Variants in ROBO2 observed in about 807,000 individuals in gnomAD.
The protein encoded by ROBO2 is roundabout homolog 2.
In ROBO2, 53 loss-of-function variants were observed where a neutral mutation model predicts 160.8. That is an observed-to-expected ratio of 0.33 (90% CI 0.26 to 0.41). The LOEUF (loss-of-function observed/expected upper bound fraction) is 0.41. Ranked by LOEUF, ROBO2 falls within the 10% of genes least tolerant of loss-of-function variation. ROBO2 has a pLI of 1.00. For missense variants in ROBO2, 1,577 were observed against 1,722.4 expected (o/e 0.92, Z 1.49); for synonymous variants, 664 against 611.7 (o/e 1.09, Z -1.26).
intron 2 of ROBO2, among the ~76,000 whole-genome samples, chr3:76,269,535 T>G (rs2107621134): frequency 6.6e-6 from 1 of 151,996 alleles, no homozygotes; most frequent in East Asian, 1.9e-4. Flanking sequence ...TTTGTCTCAG[T>G]TACACATACC....
intron 8 of ROBO2, among the ~76,000 whole-genome samples, chr3:77,552,943 A>C (rs1296265256): frequency 6.6e-6 from 1 of 151,986 alleles, no homozygotes; most frequent in Non-Finnish European, 1.5e-5. Flanking sequence ...GGAATTGTAG[A>C]GCCATTTGAA....
chr3:76,586,847 TGTA>T (rs1011882077), intron 2 of ROBO2, among the ~76,000 whole-genome samples: 1 of 152,034 alleles, frequency 6.6e-6, no homozygotes, highest in African/African-American at 2.4e-5. Context: ...GATCCCAGGT[TGTA>T]GTGGCTTTGC....
At chr3:76,948,909 T>TATG (rs1553703171) in intron 2 of ROBO2, among the ~76,000 whole-genome samples, 1 of 21,800 alleles carries the variant, frequency 4.6e-5, no homozygotes, top group African/African-American at 2.1e-4. Context: ...TATATATATA[T>TATG]TTTTTTTTTT....
At chr3:77,446,451 T>G (rs2080520044) in intron 2 of ROBO2, among the ~76,000 whole-genome samples, 1 of 152,142 alleles carries the variant, frequency 6.6e-6, no homozygotes, top group South Asian at 2.1e-4. Context: ...TATTAATTTC[T>G]CATTGCACCC....
chr3:76,242,990 G>C (rs914890730), intron 2 of ROBO2, among the ~76,000 whole-genome samples: 8 of 152,138 alleles, frequency 5.3e-5, no homozygotes, highest in African/African-American at 1.9e-4. Flanking sequence ...GTAAGTTGCT[G>C]CATGGACGAT....
At chr3:75,932,856 G>T (rs1199525703) in intron 1 of ROBO2, among the ~76,000 whole-genome samples, 1 of 152,064 alleles carries the variant, frequency 6.6e-6, no homozygotes, top group Non-Finnish European at 1.5e-5. Flanking sequence ...TCTAAAGCAC[G>T]ATGGCCTAGA....
chr3:77,125,699 A>G (rs2075254295), intron 2 of ROBO2, among the ~76,000 whole-genome samples: 1 of 152,206 alleles, frequency 6.6e-6, no homozygotes, highest in Admixed American at 6.5e-5. Context: ...TTGCTTCACC[A>G]TAATTATAAT....
intron 2 of ROBO2, among the ~76,000 whole-genome samples, chr3:77,340,469 G>A (rs987488573): frequency 5.9e-5 from 9 of 152,026 alleles, no homozygotes; most frequent in Admixed American, 2.6e-4. Context: ...TTAGGAGTCC[G>A]TGGTTGTATT....
intron 2 of ROBO2, among the ~76,000 whole-genome samples, chr3:76,810,712 T>C (rs904507484): frequency 2.0e-5 from 3 of 152,146 alleles, no homozygotes; most frequent in East Asian, 3.9e-4. Context: ...AGGTACAATA[T>C]TTTATGTAAC....
intron 2 of ROBO2, among the ~76,000 whole-genome samples, chr3:76,179,471 C>T (rs1367771470): frequency 6.6e-6 from 1 of 152,186 alleles, no homozygotes; most frequent in Admixed American, 6.5e-5. Flanking sequence ...ATCCTCCTTA[C>T]TTCCCACAGT....
intron 1 of ROBO2, among the ~76,000 whole-genome samples, chr3:77,047,095 G>A (rs1240171414): frequency 1.3e-5 from 2 of 152,154 alleles, no homozygotes; most frequent in African/African-American, 2.4e-5. Flanking sequence ...TGGGATTTTG[G>A]TGGGCAAAAA....
intron 6 of ROBO2, among the ~76,000 whole-genome samples, chr3:77,539,379 G>A (rs187864371): frequency 6.6e-6 from 1 of 152,184 alleles, no homozygotes; most frequent in African/African-American, 2.4e-5. Context: ...ATCAGAATCG[G>A]TTAGATTTGT....
intron 2 of ROBO2, among the ~76,000 whole-genome samples, chr3:76,266,311 G>T (rs1385772404): frequency 6.6e-6 from 1 of 152,048 alleles, no homozygotes; most frequent in African/African-American, 2.4e-5. Context: ...AAAATCAAGG[G>T]TTGACAAATT....
At chr3:77,126,708 ATATATTTT>A (rs150406574) in intron 2 of ROBO2, among the ~76,000 whole-genome samples, 6,382 of 149,198 alleles carry the variant, frequency 0.043, 520 homozygotes, top group African/African-American at 0.15. Context: ...ATATATATAT[ATATATTTT>A]TTTTCCTTTG....
At chr3:77,454,296 C>T (rs1328747914) in intron 2 of ROBO2, among the ~76,000 whole-genome samples, 1 of 152,040 alleles carries the variant, frequency 6.6e-6, no homozygotes, top group Non-Finnish European at 1.5e-5. Flanking sequence ...TGGGTTTTTG[C>T]ATTTTCTGGT....
intron 2 of ROBO2, among the ~76,000 whole-genome samples, chr3:76,687,754 A>G (rs2107129449): frequency 6.6e-6 from 1 of 152,208 alleles, no homozygotes; most frequent in East Asian, 1.9e-4. Context: ...AAGGATTAGA[A>G]AAAAAGTTTT....
chr3:76,903,141 C>T (rs755550736), intron 2 of ROBO2, among the ~76,000 whole-genome samples: 19 of 151,884 alleles, frequency 1.3e-4, no homozygotes, highest in South Asian at 1.2e-3. Context: ...AAAAAATGAC[C>T]GATATTGAAC....
At chr3:76,021,762 A>G (rs1476468169) in intron 2 of ROBO2, among the ~76,000 whole-genome samples, 1 of 151,760 alleles carries the variant, frequency 6.6e-6, no homozygotes, top group Non-Finnish European at 1.5e-5. Context: ...TCAAGTTGTG[A>G]TTTTTCACAG....
chr3:77,531,082 C>T (rs1013606279), intron 6 of ROBO2, among the ~76,000 whole-genome samples: 6 of 151,952 alleles, frequency 3.9e-5, no homozygotes, highest in African/African-American at 1.2e-4. Flanking sequence ...CTTACGAAGC[C>T]GTCCTGTTCC....
Sources: allele counts gnomAD v4.1 joint callset (sites outside exome capture counted in the v4.1 genomes callset), GRCh38; gene constraint gnomAD v4.1.1; transcripts MANE v1.5; gene names NCBI Gene and HGNC (gene_info 2026-07-23, HGNC 2026-07-21).